Variants in PADI6 observed in about 807,000 individuals in gnomAD.
PADI6 encodes the protein inactive protein-arginine deiminase type-6.
Under a neutral mutation model 78.2 loss-of-function variants are expected in PADI6, and 66 were observed. That is an observed-to-expected ratio of 0.84 (90% confidence interval 0.69 to 1.04). PADI6 has a LOEUF of 1.04. Among genes scored for constraint, PADI6 ranks in the 50% least tolerant of loss-of-function variants. The pLI, the probability that PADI6 is intolerant of heterozygous loss-of-function variation, is 0.00. For missense variants in PADI6, 854 were observed against 866.1 expected (o/e 0.99, Z 0.18); for synonymous variants, 397 against 346.9 (o/e 1.14, Z -1.60).
At chr1:17,400,036 A>G (rs1034069976) in intron 15 of PADI6, among the ~76,000 whole-genome samples, 4 of 151,034 alleles carry the variant, frequency 2.6e-5, no homozygotes, top group Non-Finnish European at 5.9e-5. Context: ...GTCTCCCAAA[A>G]AAACAAACAA....
rs2075223686 is a variant in PADI6, at chr1:17,394,318, A to G, written c.1201A>G (p.Met401Val). 1 of 1,613,652 alleles carries G rather than the reference A, an allele frequency of 6.2e-7. No homozygotes were observed. The highest frequency in any genetic ancestry group is 8.5e-7 in the Non-Finnish European group (1 of 1,179,662). Residue 401 changes from methionine (M) to valine (V), a missense_variant, in exon 11 of 16, where the codon ATG (methionine) becomes GTG (valine). Transcript: ENST00000619609. Reference protein sequence around the residue: ...KYSLSPGIGYMIQDTEDHKVA... With the variant: ...KYSLSPGIGYVIQDTEDHKVA... The stretch of plus-strand genomic sequence containing the variant: ...CCCCCAGAGCCCTGGTATTGGCTAC[A>G]TGATCCAGGACACTGAGGACCATAA...
chr1:17,373,420 CAG>C (rs1245662139), intron 2 of PADI6, among the ~76,000 whole-genome samples, 187 bp downstream of exon 2: 2 of 152,196 alleles, frequency 1.3e-5, no homozygotes, highest in African/African-American at 2.4e-5. Flanking sequence ...TACAAAGAAA[CAG>C]AGGCACCTAG....
intron 3 of PADI6, 69 bp from the exon 4 acceptor site, chr1:17,379,851 A>T (rs915796956): frequency 2.8e-6 from 4 of 1,413,776 alleles, no homozygotes; most frequent in Non-Finnish European, 4.0e-6. Flanking sequence ...CCCACAGGAG[A>T]TAACCTATAA....
At chr1:17,389,855 G>A (rs558943217) in intron 8 of PADI6, among the ~76,000 whole-genome samples, 8 of 152,212 alleles carry the variant, frequency 5.3e-5, no homozygotes, top group South Asian at 4.1e-4. Context: ...GGACACCCCC[G>A]CCCCACTCGC....
At chr1:17,388,278 C>A in intron 6 of PADI6, 103 bp from the exon 7 acceptor site, 1 of 1,120,966 alleles carries the variant, frequency 8.9e-7, no homozygotes, top group Non-Finnish European at 1.2e-6. Flanking sequence ...CTGGAACTCA[C>A]AGCCTTGCAT....
intron 6 of PADI6, among the ~76,000 whole-genome samples, chr1:17,388,171 G>A (rs1570138604): frequency 6.6e-6 from 1 of 152,202 alleles, no homozygotes; most frequent in Non-Finnish European, 1.5e-5. Context: ...GAATACTGGT[G>A]AATAACTGGC....
At chr1:17,391,916 T>A (rs1353952385) in intron 8 of PADI6, among the ~76,000 whole-genome samples, 198 bp from the exon 9 acceptor site, 1 of 152,224 alleles carries the variant, frequency 6.6e-6, no homozygotes, top group Non-Finnish European at 1.5e-5. Flanking sequence ...TGGGCAAAGC[T>A]GAGTAGTGTC....
chr1:17,383,407 A>T (rs974228222), intron 6 of PADI6, among the ~76,000 whole-genome samples: 1 of 152,258 alleles, frequency 6.6e-6, no homozygotes, highest in Non-Finnish European at 1.5e-5. Flanking sequence ...TCAGGCCACA[A>T]GGGCTACTCT....
At chr1:17,389,491 G>GC (rs2075160714) in intron 8 of PADI6, among the ~76,000 whole-genome samples, 1 of 152,152 alleles carries the variant, frequency 6.6e-6, no homozygotes, top group Non-Finnish European at 1.5e-5. Context: ...CCAGGCCCGG[G>GC]CCCCAGGAGG....
At chr1:17,399,130 G>A (rs879943875) in intron 15 of PADI6, among the ~76,000 whole-genome samples, 1 of 152,118 alleles carries the variant, frequency 6.6e-6, no homozygotes. Flanking sequence ...AGTCTAAAAG[G>A]GTGAACCTGT....
intron 15 of PADI6, among the ~76,000 whole-genome samples, 160 bp downstream of exon 15, chr1:17,399,007 C>A (rs1190312024): frequency 1.3e-5 from 2 of 152,014 alleles, no homozygotes; most frequent in Non-Finnish European, 2.9e-5. Flanking sequence ...GTTAGGGACG[C>A]CCCACCCAGA....
intron 6 of PADI6, 117 bp from the exon 7 acceptor site, chr1:17,388,264 C>A: frequency 2.1e-6 from 2 of 964,832 alleles, no homozygotes; most frequent in Non-Finnish European, 3.0e-6. Flanking sequence ...CAGCTCCAGC[C>A]CTCCTGGAAC....
intron 9 of PADI6, among the ~76,000 whole-genome samples, chr1:17,393,734 C>T (rs1445183472): frequency 6.6e-6 from 1 of 152,096 alleles, no homozygotes; most frequent in African/African-American, 2.4e-5. Flanking sequence ...CTTGGCCACC[C>T]AAAGTGCTGG....
intron 4 of PADI6, among the ~76,000 whole-genome samples, chr1:17,380,522 C>A (rs954051758): frequency 6.6e-6 from 1 of 152,262 alleles, no homozygotes; most frequent in Admixed American, 6.5e-5. Context: ...TGCCTGCCAC[C>A]ATGCCTGGCT....
chr1:17,401,359 CAG>C lies in PADI6; in HGVS notation c.2009_2010del (p.Glu670GlyfsTer48), dbSNP rs1057517682. 1.2e-6 allele frequency: 2 copies of C among 1,614,090 alleles called. No individual in the cohort carries two copies. The highest frequency in any genetic ancestry group is 1.7e-6 in the Non-Finnish European group (2 of 1,179,914). ...ATCAATGACTTTGACTGTTACCTGA[CAG>C]AGGTCGGAGACATCTGTGCCTGTGC... On this transcript the variant is annotated frameshift_variant, in exon 16 of 16. Transcript: ENST00000619609. LOFTEE classifies it high-confidence loss of function.
At chr1:17,375,975 C>CTTTTTTTTTT (rs575076756) in intron 3 of PADI6, among the ~76,000 whole-genome samples, 9 of 150,232 alleles carry the variant, frequency 6.0e-5, no homozygotes, top group African/African-American at 2.0e-4. Flanking sequence ...ATAACATCTA[C>CTTTTTTTTTT]TTTTTTTTTC....
Position 17,394,346 on chromosome 1 carries a change from T to C in PADI6, c.1229T>C (p.Val410Ala). ...ATCCAGGACACTGAGGACCATAAAGTGGCCAGCATGGATTCCATTGGGAAC... is the reference window on the plus strand; with the variant it reads ...ATCCAGGACACTGAGGACCATAAAGCGGCCAGCATGGATTCCATTGGGAAC... ...YMIQDTEDHK[V>A]ASMDSIGNLM... The change falls in exon 11 of 16, where the codon GTG becomes GCG. Residue 410 changes from valine to alanine, a missense_variant. Transcript: ENST00000619609. The C allele has an allele frequency of 6.2e-7, 1 of 1,613,794 alleles. No homozygotes were observed. The highest frequency in any genetic ancestry group is 1.1e-5 in the South Asian group (1 of 91,046).
intron 6 of PADI6, among the ~76,000 whole-genome samples, chr1:17,384,544 C>A (rs751289608): frequency 2.6e-5 from 4 of 152,150 alleles, no homozygotes; most frequent in Non-Finnish European, 5.9e-5. Context: ...GAGTTTGAGA[C>A]CAGCCTGGCC....
rs370843430 is a variant in PADI6 at position 17,401,394 on chromosome 1, C to G, written c.2041C>G (p.Arg681Gly). 1 of 1,614,056 alleles carries G rather than the reference C, an allele frequency of 6.2e-7. No homozygotes were observed. Among genetic ancestry groups the G allele is most frequent in the Non-Finnish European group, 8.5e-7 (1 of 1,179,894 alleles). The part of the protein sequence containing the change: ...VGDICACANI[R>G]RVPFAFKWWK... ...AGACATCTGTGCCTGTGCCAACATC[C>G]GCCGGGTGCCCTTTGCCTTCAAATG... is the stretch of plus-strand genomic sequence containing the variant. Residue 681 changes from arginine to glycine, a missense_variant, in exon 16 of 16, where the codon CGC becomes GGC. Physicochemically the swap from Arg to Gly is moderately radical, Grantham distance 125 (BLOSUM62 -2). Transcript: ENST00000619609.
Sources: gnomAD v4.1 joint callset for allele counts (sites outside exome capture counted in the v4.1 genomes callset) on GRCh38, gnomAD v4.1.1 for gene constraint, MANE v1.5 for transcripts, NCBI Gene and HGNC (gene_info 2026-07-23, HGNC 2026-07-21) for gene names.